MYT1L: variants seen among roughly 807,000 people sequenced by gnomAD.
The protein encoded by MYT1L is myelin transcription factor 1-like protein.
MYT1L carries 12 observed loss-of-function variants against 126.7 expected under a neutral mutation model. The ratio of observed to expected loss-of-function variants is 0.09; its 90% CI spans 0.06 to 0.15. The LOEUF (loss-of-function observed/expected upper bound fraction) is 0.15. Among genes scored for constraint, MYT1L ranks in the 10% least tolerant of loss-of-function variants. MYT1L has a pLI of 1.00. For synonymous variants in MYT1L, 541 were observed against 604.2 expected, an observed-to-expected ratio of 0.90 and a Z score of 1.53; for missense variants, 979 against 1,585.2, an observed-to-expected ratio of 0.62 and a Z score of 6.49.
chr2:2,327,420 T>A (rs1027062105), intron 1 of MYT1L, among the ~76,000 whole-genome samples: 1 of 152,186 alleles, frequency 6.6e-6, no homozygotes, highest in African/African-American at 2.4e-5. Flanking sequence ...TTTGTTCAAG[T>A]TTATCCTCAG....
intron 3 of MYT1L, among the ~76,000 whole-genome samples, chr2:2,066,969 C>G (rs955158912): frequency 6.6e-6 from 1 of 152,178 alleles, no homozygotes; most frequent in Non-Finnish European, 1.5e-5. Context: ...CCTGAATCAA[C>G]GGAGAGATAA....
At chr2:2,214,001 A>G (rs1390244971) in intron 2 of MYT1L, among the ~76,000 whole-genome samples, 2 of 152,116 alleles carry the variant, frequency 1.3e-5, no homozygotes, top group Non-Finnish European at 2.9e-5. Flanking sequence ...ATTTTAAAAA[A>G]TTAAATCAAA....
intron 2 of MYT1L, among the ~76,000 whole-genome samples, chr2:2,240,279 G>A (rs945390021): frequency 6.6e-6 from 1 of 151,934 alleles, no homozygotes; most frequent in Non-Finnish European, 1.5e-5. Context: ...GGCAAAAAGA[G>A]CGAAACTCCG....
rs1387278081 is a variant in MYT1L, at chr2:2,118,621, C to T, written c.-304+54251G>A. On this transcript the variant is annotated intron_variant, in intron 3 of 24. Transcript: ENST00000647738. ...TTGAAAATTCCTCAAATTTTAAAAT[C>T]GACAACAAAACAAATTCTGTTAAGG... 2.6e-5 allele frequency among the ~76,000 whole-genome samples: 4 copies of T among 152,086 alleles called. No individual in the cohort carries two copies. In the South Asian group the frequency reaches 8.3e-4, roughly 32 times the overall value.
chr2:2,278,930 T>G (rs549821352), intron 2 of MYT1L, among the ~76,000 whole-genome samples: 1 of 152,176 alleles, frequency 6.6e-6, no homozygotes, highest in Non-Finnish European at 1.5e-5. Flanking sequence ...CTTTCTCTTG[T>G]TCTAACTTCT....
intron 2 of MYT1L, among the ~76,000 whole-genome samples, chr2:2,283,425 A>G (rs923709458): frequency 6.6e-6 from 1 of 152,260 alleles, no homozygotes. Flanking sequence ...GTTTCTAAAG[A>G]TATTGACACC....
At chr2:2,137,069 T>C (rs2083164184) in intron 3 of MYT1L, among the ~76,000 whole-genome samples, 1 of 152,146 alleles carries the variant, frequency 6.6e-6, no homozygotes, top group African/African-American at 2.4e-5. Context: ...AGCCAAATCA[T>C]GAGTGAACTC....
At chr2:1,982,527 G>A (rs2060687450) in intron 5 of MYT1L, among the ~76,000 whole-genome samples, 1 of 152,170 alleles carries the variant, frequency 6.6e-6, no homozygotes, top group Non-Finnish European at 1.5e-5. Context: ...TTTCCTGGAG[G>A]AACTCATATT....
intron 18 of MYT1L, among the ~76,000 whole-genome samples, chr2:1,867,725 A>G (rs1051320545): frequency 6.6e-6 from 1 of 152,142 alleles, no homozygotes; most frequent in Non-Finnish European, 1.5e-5. Flanking sequence ...GTCTGGATGC[A>G]ATGAAAGTTT....
Position 1,883,197 on chromosome 2 carries a change from A to G in MYT1L, c.2711+3342T>C, listed in dbSNP as rs570787864. Among the ~76,000 whole-genome samples the G allele has an allele frequency of 2.0e-3, 306 of 152,302 alleles. 1 individual carries two copies. The highest frequency in any genetic ancestry group is 4.2e-3 in the Admixed American group (64 of 15,300). Reference sequence around the variant, plus strand: ...ATAAAGGCATGGATAATAAGGAGGAATCTTAATTTGGCCAACCGAAGCATC... The same window carrying G: ...ATAAAGGCATGGATAATAAGGAGGAGTCTTAATTTGGCCAACCGAAGCATC... On this transcript the variant is annotated intron_variant, in intron 18 of 24. Coordinates refer to ENST00000647738, the MANE Select transcript of MYT1L (RefSeq NM_001303052.2).
intron 2 of MYT1L, among the ~76,000 whole-genome samples, chr2:2,177,882 T>C (rs148883175): frequency 3.8e-3 from 583 of 152,242 alleles, no homozygotes; most frequent in Middle Eastern, 0.014. Flanking sequence ...TAGGGGCATG[T>C]CTTATATTTA....
chr2:2,306,329 A>G (rs1008014663), intron 1 of MYT1L, among the ~76,000 whole-genome samples: 7 of 152,158 alleles, frequency 4.6e-5, no homozygotes, highest in Non-Finnish European at 8.8e-5. Context: ...TTGTTTTTTA[A>G]GTGGTATCAA....
intron 4 of MYT1L, among the ~76,000 whole-genome samples, chr2:2,022,960 C>T (rs2065179128): frequency 6.6e-6 from 1 of 152,176 alleles, no homozygotes; most frequent in Non-Finnish European, 1.5e-5. Flanking sequence ...ATTCAGGACT[C>T]ACCTACATGG....
intron 14 of MYT1L, among the ~76,000 whole-genome samples, chr2:1,898,170 G>T (rs1307382377): frequency 2.6e-5 from 4 of 152,126 alleles, no homozygotes; most frequent in Non-Finnish European, 5.9e-5. Flanking sequence ...TTCTTGCAGA[G>T]AATAGATAAA....
chr2:2,176,000 A>G (rs1226297788), intron 2 of MYT1L, among the ~76,000 whole-genome samples: 1 of 152,174 alleles, frequency 6.6e-6, no homozygotes, highest in Non-Finnish European at 1.5e-5. Flanking sequence ...CTGAATAAGG[A>G]GCTTGTTTCC....
At chr2:1,927,717 C>T (rs2149143191) in intron 9 of MYT1L, among the ~76,000 whole-genome samples, 1 of 152,214 alleles carries the variant, frequency 6.6e-6, no homozygotes, top group Admixed American at 6.5e-5. Context: ...TTCCCCGGGT[C>T]GGAGGAGACC....
intron 21 of MYT1L, among the ~76,000 whole-genome samples, chr2:1,831,784 C>A (rs4308148): frequency 0.41 from 62,012 of 151,702 alleles, 13,111 homozygotes; most frequent in East Asian, 0.66. Context: ...TTCATCACGG[C>A]CTCTCCGCCT....
At chr2:1,813,878 T>G (rs1226356977) in intron 21 of MYT1L, among the ~76,000 whole-genome samples, 2 of 95,844 alleles carry the variant, frequency 2.1e-5, no homozygotes, top group African/African-American at 3.8e-5. Flanking sequence ...ATACAAAAAA[T>G]TAGCCGGGCG....
rs114132161 is a variant in MYT1L, at chr2:2,033,139, G to A, written c.-158+20839C>T. Among the ~76,000 whole-genome samples, 569 of 125,400 alleles carry A rather than the reference G, an allele frequency of 4.5e-3. 4 individuals carry two copies. Among genetic ancestry groups the A allele is most frequent in the African/African-American group, 0.017 (537 of 32,366 alleles). 82.3% of individuals were successfully genotyped at this position (125,400 alleles called of 152,430 possible). ...TACACACACCCCACACCCCTCGCCC[G>A]TGCCTCTCACCCTGTGGCCCAGAGC... is the stretch of plus-strand genomic sequence containing the variant. On this transcript the variant is annotated intron_variant, in intron 4 of 24. Transcript: ENST00000647738.
Sources: allele counts gnomAD v4.1 joint callset (sites outside exome capture counted in the v4.1 genomes callset), GRCh38; gene constraint gnomAD v4.1.1; transcripts MANE v1.5; gene names NCBI Gene and HGNC (gene_info 2026-07-23, HGNC 2026-07-21).